GAS7: variants seen among roughly 807,000 people sequenced by gnomAD.
GAS7 encodes the protein growth arrest-specific protein 7.
In GAS7, 28 loss-of-function variants were observed where a neutral mutation model predicts 71.1. That is an observed-to-expected ratio of 0.39 (90% CI 0.29 to 0.54). The LOEUF (loss-of-function observed/expected upper bound fraction) is 0.54. Ranked by LOEUF, GAS7 falls within the 20% of genes least tolerant of loss-of-function variation. GAS7 has a pLI of 0.62. For missense variants in GAS7, 436 were observed against 627.8 expected (o/e 0.69, Z 3.27); for synonymous variants, 258 against 245.8 (o/e 1.05, Z -0.46).
At position 9,935,986 on chromosome 17, in the gene GAS7, A is replaced by G. The variant is rs148839338; in HGVS notation, c.807-1742T>C. ...ACACAGATCAGCGGAACAGAACACA[A>G]AGTCACCCAGCTAGGGCCGATTGAC... On this transcript the variant is annotated intron_variant, in intron 8 of 13. Transcript: ENST00000432992. Among the ~76,000 whole-genome samples the G allele has an allele frequency of 7.7e-4, 117 of 152,284 alleles. 1 individual carries two copies. Among genetic ancestry groups the G allele is most frequent in the African/African-American group, 2.7e-3 (113 of 41,544 alleles).
Position 9,969,569 on chromosome 17 carries a change from G to T in GAS7, c.471+108C>A. On this transcript the variant is annotated intron_variant, in intron 4 of 13. Transcript: ENST00000432992. This position sits in a 1 kb window ranked among gnomAD's most constrained non-coding sequence, Gnocchi z 5.5. The stretch of plus-strand genomic sequence containing the variant: ...CACAGCAACCACTTTCTACCTGGGG[G>T]CAGAACTGGGCTGCAGCCACCTGGA... 4.3e-6 allele frequency: 3 copies of T among 690,080 alleles called. No homozygotes were observed. Among genetic ancestry groups the T allele is most frequent in the Non-Finnish European group, 8.0e-6 (3 of 376,906 alleles). The allele number at this position is 690,080 out of a possible 1,614,324, so 42.7% of individuals were successfully genotyped here.
chr17:10,009,558 G>C (rs2071677756), intron 2 of GAS7, among the ~76,000 whole-genome samples: 1 of 151,178 alleles, frequency 6.6e-6, no homozygotes, highest in African/African-American at 2.4e-5. Flanking sequence ...GAGCTTAAAA[G>C]CCTGAGTGTG....
At chr17:9,973,316 C>T (rs148465734) in intron 3 of GAS7, among the ~76,000 whole-genome samples, 10 of 150,310 alleles carry the variant, frequency 6.7e-5, no homozygotes, top group Non-Finnish European at 1.3e-4. Context: ...GTGCAGTGGG[C>T]GATCTCGGCT....
At chr17:10,105,191 G>A (rs1032644977) in intron 1 of GAS7, among the ~76,000 whole-genome samples, 2 of 151,970 alleles carry the variant, frequency 1.3e-5, no homozygotes, top group African/African-American at 2.4e-5. Context: ...CCTACCCGAC[G>A]CCGTTGGTAA....
intron 2 of GAS7, among the ~76,000 whole-genome samples, chr17:10,005,420 G>T (rs796746801): frequency 6.6e-6 from 1 of 151,122 alleles, no homozygotes; most frequent in Non-Finnish European, 1.5e-5. Context: ...AAATCACCAG[G>T]CACCCTCTTT....
intron 1 of GAS7, among the ~76,000 whole-genome samples, chr17:10,174,350 C>T (rs1202992614): frequency 1.3e-5 from 2 of 152,208 alleles, no homozygotes; most frequent in African/African-American, 4.8e-5. Context: ...ACTCACCTTG[C>T]AGGGTGAGCA....
At chr17:9,951,481 G>A (rs1352664848) in intron 5 of GAS7, among the ~76,000 whole-genome samples, 1 of 152,218 alleles carries the variant, frequency 6.6e-6, no homozygotes, top group Non-Finnish European at 1.5e-5. Flanking sequence ...TCCTGGCCAG[G>A]TGCGGTGGCT....
chr17:9,921,391 G>A (rs1368192734), intron 11 of GAS7, among the ~76,000 whole-genome samples: 2 of 151,994 alleles, frequency 1.3e-5, no homozygotes, highest in Non-Finnish European at 2.9e-5. Flanking sequence ...TCCTGACCTT[G>A]TGATCCGCCC....
Position 9,916,842 on chromosome 17 carries a change from T to G in GAS7, c.*386A>C. 2.3e-6 allele frequency: 1 copy of G among 436,836 alleles called. No homozygotes were observed. Among genetic ancestry groups the G allele is most frequent in the Non-Finnish European group, 4.0e-6 (1 of 247,638 alleles). The allele number at this position is 436,836 out of a possible 1,614,324, so 27.1% of individuals were successfully genotyped here. On this transcript the variant is annotated 3_prime_UTR_variant, in exon 14 of 14. Transcript: ENST00000432992. ...GACAGAGCCCTCCCTACCCTGATCC[T>G]CCAAAGCCCTGGAGACAAGGGAGCC...
rs560295567 is a variant in GAS7, at chr17:10,128,379, G to A, written c.183+69829C>T. On this transcript the variant is annotated intron_variant, in intron 1 of 13. Coordinates refer to ENST00000432992, the MANE Select transcript of GAS7 (RefSeq NM_201433.2). ...GCTCCCAGGAGCCATTAGAGGGAGT[G>A]GACGGGAGGGGTGGATGGGAGACCC... Among the ~76,000 whole-genome samples, 45 of 152,314 alleles carry A rather than the reference G, an allele frequency of 3.0e-4. 1 individual carries two copies. The South Asian group carries it at 8.3e-3, about 28-fold the overall frequency.
At chr17:9,971,314 C>A (rs1303627440) in intron 3 of GAS7, among the ~76,000 whole-genome samples, 1 of 152,112 alleles carries the variant, frequency 6.6e-6, no homozygotes, top group East Asian at 1.9e-4. Flanking sequence ...GTTATCCCAG[C>A]ACTTTGGGAG....
chr17:10,115,050 G>C (rs879907778), intron 1 of GAS7, among the ~76,000 whole-genome samples: 2 of 152,198 alleles, frequency 1.3e-5, no homozygotes, highest in Non-Finnish European at 2.9e-5. Context: ...TGGCTGGCTG[G>C]CTGCCTCTCT....
intron 1 of GAS7, among the ~76,000 whole-genome samples, chr17:10,176,367 C>CA (rs2074374364): frequency 6.6e-6 from 1 of 152,146 alleles, no homozygotes; most frequent in African/African-American, 2.4e-5. Context: ...GAGACTCCCC[C>CA]ACTCTCCTCC....
chr17:9,976,441 T>C (rs2070206912), intron 3 of GAS7, among the ~76,000 whole-genome samples: 2 of 152,236 alleles, frequency 1.3e-5, no homozygotes, highest in East Asian at 3.8e-4. Flanking sequence ...CCTTTGCTCC[T>C]GCAGGGGAGA....
At chr17:9,986,179 T>A (rs2070641953) in intron 2 of GAS7, among the ~76,000 whole-genome samples, 1 of 152,228 alleles carries the variant, frequency 6.6e-6, no homozygotes, top group East Asian at 1.9e-4. Flanking sequence ...CAAGAGAGAT[T>A]CCCACCTGAT....
At position 10,019,769 on chromosome 17, in the gene GAS7, G is replaced by T. The variant is rs757906785; in HGVS notation, c.304+8C>A. 1 of 1,612,028 alleles carries T rather than the reference G, an allele frequency of 6.2e-7. No homozygotes were observed. Among genetic ancestry groups the T allele is most frequent in the African/African-American group, 1.3e-5 (1 of 74,894 alleles). On this transcript the variant is annotated splice_region_variant and intron_variant, in intron 2 of 13. Coordinates refer to ENST00000432992, the MANE Select transcript of GAS7 (RefSeq NM_201433.2). The stretch of plus-strand genomic sequence containing the variant: ...TTGGTGCAGGATTCTCCCCCGAGCG[G>T]GACTCACCATTGGTGGTCGTGTTGA...
intron 2 of GAS7, 127 bp downstream of exon 2, chr17:10,019,650 C>A (rs905274824): frequency 6.7e-6 from 6 of 899,854 alleles, no homozygotes; most frequent in Non-Finnish European, 1.0e-5. Flanking sequence ...TACTGTAGCC[C>A]CTGAGCATAG....
At chr17:10,166,082 G>A (rs1313998606) in intron 1 of GAS7, among the ~76,000 whole-genome samples, 1 of 151,708 alleles carries the variant, frequency 6.6e-6, no homozygotes, top group Non-Finnish European at 1.5e-5. Flanking sequence ...AAGGGCAGTG[G>A]GGCAATCCTA....
rs1410413138 is a variant in GAS7, at chr17:9,914,814, T to C, written c.*2414A>G. On this transcript the variant is annotated 3_prime_UTR_variant, in exon 14 of 14. Transcript: ENST00000432992. Reference sequence around the variant, plus strand: ...ACAACTAGAGCGCCGCTTCTCAGCATGCCTGGCTTGTCTTGAGCATTCGCT... The same window carrying C: ...ACAACTAGAGCGCCGCTTCTCAGCACGCCTGGCTTGTCTTGAGCATTCGCT... 8.7e-6 allele frequency: 2 copies of C among 230,042 alleles called. No individual in the cohort carries two copies. The highest frequency in any genetic ancestry group is 1.1e-4 in the Admixed American group (2 of 17,682). The allele number at this position is 230,042 out of a possible 1,614,324, so 14.3% of individuals were successfully genotyped here.
Sources: allele counts gnomAD v4.1 joint callset (sites outside exome capture counted in the v4.1 genomes callset), GRCh38; gene constraint gnomAD v4.1.1; non-coding constraint Gnocchi (gnomAD v3.1); transcripts MANE v1.5; gene names NCBI Gene and HGNC (gene_info 2026-07-23, HGNC 2026-07-21).